The following ABCA1 variants were observed in gnomAD, a reference collection of about 807,000 sequenced individuals.
ABCA1 encodes phospholipid-transporting ATPase ABCA1.
ABCA1 carries 133 observed loss-of-function variants against 262.5 expected under a neutral mutation model. The ratio of observed to expected loss-of-function variants is 0.51; its 90% CI spans 0.44 to 0.59. The LOEUF (loss-of-function observed/expected upper bound fraction) is 0.59, where lower values mean the gene tolerates loss of function less well. Ranked by LOEUF, ABCA1 falls within the 20% of genes least tolerant of loss-of-function variation. The probability of loss-of-function intolerance (pLI) is 0.00; values close to 1 mark genes in which losing one functional copy is unlikely to be tolerated. For synonymous variants in ABCA1, 1,022 were observed against 1,043.5 expected (o/e 0.98, Z 0.40); for missense variants, 2,452 against 2,777.5 (o/e 0.88, Z 2.63).
intron 1 of ABCA1, among the ~76,000 whole-genome samples, chr9:104,919,115 C>T (rs1411252752): frequency 1.3e-5 from 2 of 152,122 alleles, no homozygotes; most frequent in Non-Finnish European, 2.9e-5. Context: ...AAATTTGGTA[C>T]AGTGCTTTAG....
rs760546520 is a variant in ABCA1, at chr9:104,827,159, A to T, written c.2126T>A (p.Leu709Gln). 11 of 1,614,126 alleles carry T rather than the reference A, an allele frequency of 6.8e-6. No individual in the cohort carries two copies. The South Asian group carries it at 1.1e-4, about 16-fold the overall frequency. ...CACGCTGGGATCACTGTAGGGCAGC[A>T]GGTTTCCTAACTGGGAAGGAAGAGA... Reference protein sequence around the residue: ...LLVVILKLGNLLPYSDPSVVF... With the variant: ...LLVVILKLGNQLPYSDPSVVF... Residue 709 changes from leucine to glutamine, a missense_variant, in exon 16 of 50, where the codon CTG (leucine) becomes CAG (glutamine). Physicochemically the swap from Leu to Gln is moderately radical, Grantham distance 113. Coordinates refer to ENST00000374736, the MANE Select transcript of ABCA1 (RefSeq NM_005502.4).
intron 5 of ABCA1, among the ~76,000 whole-genome samples, chr9:104,872,469 G>A (rs745898353): frequency 3.3e-5 from 5 of 152,272 alleles, no homozygotes; most frequent in African/African-American, 4.8e-5. Flanking sequence ...GTCAGACCCC[G>A]ATTCAACGTA....
intron 5 of ABCA1, among the ~76,000 whole-genome samples, chr9:104,882,028 T>TAAAAAACAAAAAAAAAAAAAAA (rs1838703262): frequency 1.4e-5 from 1 of 73,748 alleles, no homozygotes; most frequent in Non-Finnish European, 2.6e-5. Context: ...TCTGTAGCCT[T>TAAAAAACAAAAAAAAAAAAAAA]AAAAAAAAAA....
chr9:104,927,287 G>A (rs1332405239), intron 1 of ABCA1, among the ~76,000 whole-genome samples: 1 of 151,900 alleles, frequency 6.6e-6, no homozygotes, highest in African/African-American at 2.4e-5. Flanking sequence ...CTGAGCGCAC[G>A]GAGACTGTAG....
At chr9:104,926,591 C>T (rs1826356791) in intron 1 of ABCA1, among the ~76,000 whole-genome samples, 2 of 152,214 alleles carry the variant, frequency 1.3e-5, no homozygotes, top group African/African-American at 2.4e-5. Flanking sequence ...TAGAGCCGGC[C>T]GATTCCTAGG....
intron 7 of ABCA1, among the ~76,000 whole-genome samples, chr9:104,854,881 C>T (rs1270935265): frequency 6.6e-6 from 1 of 152,170 alleles, no homozygotes; most frequent in Non-Finnish European, 1.5e-5. Context: ...TGAGTTGAGT[C>T]CAGCTCCTAG....
intron 5 of ABCA1, among the ~76,000 whole-genome samples, chr9:104,869,256 T>C (rs1837374983): frequency 6.7e-6 from 1 of 150,322 alleles, no homozygotes; most frequent in South Asian, 2.1e-4. Flanking sequence ...AAAGGAGAAG[T>C]AGGGAAAATC....
chr9:104,844,656 G>A (rs909691390), intron 8 of ABCA1, among the ~76,000 whole-genome samples: 9 of 152,314 alleles, frequency 5.9e-5, no homozygotes, highest in African/African-American at 1.9e-4. Context: ...GATTAGAGAA[G>A]CAGCTAAAAA....
chr9:104,831,577 C>A lies in ABCA1; in HGVS notation c.1715+45G>T. ...CTCTTGTCCTAATATAATAGGTGCT[C>A]TGGACCTCCCCAAGACCAGGCTGGT... is the stretch of plus-strand genomic sequence containing the variant. On this transcript the variant is annotated intron_variant, in intron 13 of 49. Transcript: ENST00000374736. The A allele has an allele frequency of 2.0e-6, 3 of 1,537,398 alleles. No individual in the cohort carries two copies. The South Asian group carries it at 3.4e-5, about 17-fold the overall frequency.
chr9:104,851,608 G>A (rs551574356), intron 7 of ABCA1, among the ~76,000 whole-genome samples: 1 of 152,194 alleles, frequency 6.6e-6, no homozygotes, highest in Non-Finnish European at 1.5e-5. Flanking sequence ...TTTCCTTCCT[G>A]ACTGGAAAGA....
At chr9:104,875,855 A>G (rs374677123) in intron 5 of ABCA1, among the ~76,000 whole-genome samples, 3 of 152,156 alleles carry the variant, frequency 2.0e-5, no homozygotes, top group African/African-American at 7.2e-5. Flanking sequence ...GTGTGTATGT[A>G]CCCCCAGAAA....
chr9:104,822,412 C>A, intron 19 of ABCA1, 84 bp downstream of exon 19: 1 of 1,564,366 alleles, frequency 6.4e-7, no homozygotes, highest in Non-Finnish European at 8.8e-7. Context: ...CAGGGATCAG[C>A]ATGGTTTCCT....
chr9:104,867,052 T>C (rs888598236), intron 5 of ABCA1, among the ~76,000 whole-genome samples: 6 of 152,182 alleles, frequency 3.9e-5, no homozygotes, highest in African/African-American at 1.4e-4. Flanking sequence ...ATTTGGGGAA[T>C]TGCCGATTGC....
intron 27 of ABCA1, 65 bp downstream of exon 27, chr9:104,814,053 T>G: frequency 8.5e-6 from 13 of 1,523,232 alleles, no homozygotes; most frequent in East Asian, 2.3e-5. Context: ...AGAAAACAGG[T>G]GAGAGCATGA....
chr9:104,888,387 C>G (rs917260135), intron 3 of ABCA1, among the ~76,000 whole-genome samples: 1 of 152,162 alleles, frequency 6.6e-6, no homozygotes, highest in African/African-American at 2.4e-5. Flanking sequence ...AATCCACCCA[C>G]TGAGCCCAGC....
At chr9:104,832,435 CTG>C (rs1196021222) in intron 12 of ABCA1, 137 bp downstream of exon 12, 2 of 917,668 alleles carry the variant, frequency 2.2e-6, no homozygotes, top group Non-Finnish European at 3.4e-6. Context: ...TTATCAAATC[CTG>C]TGTTAGGCTT....
intron 37 of ABCA1, among the ~76,000 whole-genome samples, chr9:104,798,050 T>A (rs1304169984): frequency 6.6e-6 from 1 of 152,202 alleles, no homozygotes; most frequent in Non-Finnish European, 1.5e-5. Flanking sequence ...CAGATGGCTT[T>A]CCTAGTAAGG....
intron 1 of ABCA1, among the ~76,000 whole-genome samples, chr9:104,914,091 A>G (rs541624133): frequency 2.8e-4 from 42 of 151,074 alleles, no homozygotes; most frequent in Non-Finnish European, 5.5e-4. Flanking sequence ...GAGCCACCGC[A>G]CCCGGCCCCC....
chr9:104,826,950 C>G lies in ABCA1; in HGVS notation c.2335G>C (p.Ala779Pro), dbSNP rs201642049. 2 of 1,613,330 alleles carry G rather than the reference C, an allele frequency of 1.2e-6. No individual in the cohort carries two copies. Among genetic ancestry groups the G allele is most frequent in the African/African-American group, 2.7e-5 (2 of 74,906 alleles). ...GAAGAAAGGCCAGAGGTACTCACAG[C>G]GAAGATCTTGAGTGTGAAGCCCACG... ...DYVGFTLKIF[A>P]SLLSPVAFGF... The change falls in exon 16 of 50, where the codon GCT becomes CCT. Residue 779 changes from alanine (A) to proline (P), a missense_variant and splice_region_variant. Ala to Pro is a conservative substitution (Grantham distance 27). Around this residue, in one of 4 missense-constraint regions of ABCA1, gnomAD observed 1,032 missense variants for 1,089.7 expected, o/e 0.95. Coordinates refer to ENST00000374736, the MANE Select transcript of ABCA1 (RefSeq NM_005502.4).
Sources: gnomAD v4.1 joint callset for allele counts (sites outside exome capture counted in the v4.1 genomes callset) on GRCh38, gnomAD v4.1.1 for gene constraint, gnomAD v4.1.1 regional missense constraint, MANE v1.5 for transcripts, NCBI Gene and HGNC (gene_info 2026-07-23, HGNC 2026-07-21) for gene names.